The following REC114 variants were observed in gnomAD, a reference collection of about 807,000 sequenced individuals.
The protein encoded by REC114 is REC114 meiotic recombination protein, also known as meiotic recombination protein REC114.
A neutral mutation model predicts 31.3 loss-of-function variants in REC114; 27 were observed. The ratio of observed to expected loss-of-function variants is 0.86; its 90% CI spans 0.64 to 1.19. The LOEUF (loss-of-function observed/expected upper bound fraction) is 1.19. REC114 is among the 50% of genes most tolerant of loss of function. The probability of loss-of-function intolerance (pLI) is 0.00; values close to 1 mark genes in which losing one functional copy is unlikely to be tolerated. For synonymous variants in REC114, 134 were observed against 127.7 expected (o/e 1.05, Z -0.33); for missense variants, 344 against 326.9 (o/e 1.05, Z -0.40).
chr15:73,557,831 G>A (rs1238839679), intron 5 of REC114, among the ~76,000 whole-genome samples: 1 of 152,118 alleles, frequency 6.6e-6, no homozygotes, highest in Non-Finnish European at 1.5e-5. Flanking sequence ...CTTATCTTTT[G>A]GACATGTCAT....
chr15:73,531,384 C>G (rs1894080296), intron 2 of REC114, among the ~76,000 whole-genome samples: 1 of 152,162 alleles, frequency 6.6e-6, no homozygotes, highest in African/African-American at 2.4e-5. Flanking sequence ...ATCTCTATGG[C>G]AAGTCTTCAT....
At chr15:73,496,016 A>G (rs1244137385) in intron 2 of REC114, among the ~76,000 whole-genome samples, 2 of 152,140 alleles carry the variant, frequency 1.3e-5, no homozygotes, top group Admixed American at 1.3e-4. Context: ...TAGCAGCATA[A>G]TATTTTTTTA....
intron 3 of REC114, among the ~76,000 whole-genome samples, chr15:73,543,518 G>A (rs1017412010): frequency 3.3e-5 from 5 of 151,992 alleles, no homozygotes; most frequent in East Asian, 1.9e-4. Flanking sequence ...TAGGAGAGAC[G>A]GGGTTTCTCC....
intron 2 of REC114, among the ~76,000 whole-genome samples, chr15:73,516,571 G>A (rs1197180601): frequency 6.6e-6 from 1 of 152,132 alleles, no homozygotes; most frequent in Admixed American, 6.5e-5. Flanking sequence ...ATTGATGAAT[G>A]CGGTACTCCA....
chr15:73,494,671 G>GT (rs1416025815), intron 2 of REC114, among the ~76,000 whole-genome samples: 1 of 152,100 alleles, frequency 6.6e-6, no homozygotes, highest in Non-Finnish European at 1.5e-5. Context: ...CTCAGATGAT[G>GT]TTACATTTTT....
At chr15:73,556,727 T>C (rs532288339) in intron 5 of REC114, among the ~76,000 whole-genome samples, 1 of 152,316 alleles carries the variant, frequency 6.6e-6, no homozygotes, top group Non-Finnish European at 1.5e-5. Flanking sequence ...ATTGTAATTA[T>C]GGAAATGAAA....
chr15:73,522,466 TC>T (rs1273186976), intron 2 of REC114, among the ~76,000 whole-genome samples: 1 of 152,212 alleles, frequency 6.6e-6, no homozygotes, highest in African/African-American at 2.4e-5. Context: ...CTATAAATAT[TC>T]CCCACATTGA....
At chr15:73,491,298 T>TCTTAATTTTATGTATTA (rs1567868937) in intron 2 of REC114, among the ~76,000 whole-genome samples, 17 of 19,300 alleles carry the variant, frequency 8.8e-4, no homozygotes, top group Non-Finnish European at 2.6e-3. Flanking sequence ...TTTGTGTATT[T>TCTTAATTTTATGTATTA]TCTTAATTTC....
chr15:73,540,488 G>A lies in REC114; in HGVS notation c.253G>A (p.Gly85Arg). Residue 85 changes from glycine (G) to arginine (R), a missense_variant, in exon 3 of 6, where the codon GGG becomes AGG. Physicochemically the swap from Gly to Arg is moderately radical, Grantham distance 125 (BLOSUM62 -2). Coordinates refer to ENST00000331090, the MANE Select transcript of REC114 (RefSeq NM_001042367.2). ...TTTTTGCCTAATTTTGTTTCAGGAA[G>A]GGTTTTCACTCATTGGTAGCAAGGA... ...FIFQGQTLLE[G>R]FSLIGSKDWL... The A allele has an allele frequency of 6.2e-7, 1 of 1,613,576 alleles. No individual in the cohort carries two copies. Among genetic ancestry groups the A allele is most frequent in the Non-Finnish European group, 8.5e-7 (1 of 1,179,556 alleles).
At chr15:73,451,704 C>G (rs933605350) in intron 1 of REC114, among the ~76,000 whole-genome samples, 3 of 152,150 alleles carry the variant, frequency 2.0e-5, no homozygotes, top group African/African-American at 7.2e-5. Context: ...AGGCCAATAT[C>G]CCTGATGAAC....
At chr15:73,480,964 A>G (rs1893286130) in intron 2 of REC114, among the ~76,000 whole-genome samples, 1 of 152,126 alleles carries the variant, frequency 6.6e-6, no homozygotes, top group Admixed American at 6.6e-5. Flanking sequence ...AGGCCACCGC[A>G]CCTGGCCTTA....
At chr15:73,460,306 AG>A (rs1480447662) in intron 1 of REC114, among the ~76,000 whole-genome samples, 1 of 152,162 alleles carries the variant, frequency 6.6e-6, no homozygotes, top group Non-Finnish European at 1.5e-5. Context: ...GTTTAGAATG[AG>A]GCCCAAGAGT....
chr15:73,549,868 G>A (rs1319755215), intron 3 of REC114, among the ~76,000 whole-genome samples: 1 of 152,142 alleles, frequency 6.6e-6, no homozygotes, highest in African/African-American at 2.4e-5. Context: ...AGAGTTTTCT[G>A]TAATCTAAAT....
chr15:73,489,200 C>CTTTTT (rs60331328), intron 2 of REC114, among the ~76,000 whole-genome samples: 2 of 126,262 alleles, frequency 1.6e-5, no homozygotes, highest in African/African-American at 3.1e-5. Flanking sequence ...CCTCCCCCAC[C>CTTTTT]TTTTTTTTTT....
chr15:73,552,308 A>G (rs1174982320), intron 4 of REC114, among the ~76,000 whole-genome samples: 1 of 152,258 alleles, frequency 6.6e-6, no homozygotes, highest in Non-Finnish European at 1.5e-5. Context: ...GTCTTCAACC[A>G]AAGCAGCACA....
At chr15:73,459,630 C>G (rs1462811974) in intron 1 of REC114, among the ~76,000 whole-genome samples, 1 of 152,188 alleles carries the variant, frequency 6.6e-6, no homozygotes, top group Non-Finnish European at 1.5e-5. Flanking sequence ...GTGCTGTTCA[C>G]CAAATATGCT....
chr15:73,517,864 T>C (rs1345987638), intron 2 of REC114, among the ~76,000 whole-genome samples: 1 of 151,124 alleles, frequency 6.6e-6, no homozygotes, highest in Admixed American at 6.6e-5. Flanking sequence ...TGGGGGAGGG[T>C]AAAAGAATGA....
chr15:73,515,054 C>T (rs898234398), intron 2 of REC114, among the ~76,000 whole-genome samples: 1 of 151,882 alleles, frequency 6.6e-6, no homozygotes. Flanking sequence ...ATCCTCCTGC[C>T]TCACCTTACA....
chr15:73,534,803 C>T (rs1327552760), intron 2 of REC114, among the ~76,000 whole-genome samples: 2 of 149,760 alleles, frequency 1.3e-5, no homozygotes, highest in Non-Finnish European at 3.0e-5. Context: ...AAAACGAATC[C>T]AGCAGCACAT....
Sources: gnomAD v4.1 joint callset for allele counts (sites outside exome capture counted in the v4.1 genomes callset) on GRCh38, gnomAD v4.1.1 for gene constraint, MANE v1.5 for transcripts, NCBI Gene and HGNC (gene_info 2026-07-23, HGNC 2026-07-21) for gene names.